The following PPARGC1A variants were observed in gnomAD, a reference collection of about 807,000 sequenced individuals.
The protein encoded by PPARGC1A is peroxisome proliferator-activated receptor gamma coactivator 1-alpha.
PPARGC1A carries 25 observed loss-of-function variants against 88.7 expected under a neutral mutation model. That is an observed-to-expected ratio of 0.28 (90% CI 0.21 to 0.39). The LOEUF (loss-of-function observed/expected upper bound fraction) is 0.39. Among genes scored for constraint, PPARGC1A ranks in the 10% least tolerant of loss-of-function variants. The pLI, the probability that PPARGC1A is intolerant of heterozygous loss-of-function variation, is 1.00. For synonymous variants in PPARGC1A, 363 were observed against 355.6 expected, an observed-to-expected ratio of 1.02 and a Z score of -0.24; for missense variants, 880 against 968.7, an observed-to-expected ratio of 0.91 and a Z score of 1.22.
At chr4:23,805,875 A>G (rs1329263273) in intron 10 of PPARGC1A, among the ~76,000 whole-genome samples, 1 of 152,196 alleles carries the variant, frequency 6.6e-6, no homozygotes, top group Non-Finnish European at 1.5e-5. Flanking sequence ...CTATGTATTC[A>G]AGGAAATTTG....
chr4:23,907,454 T>G (rs1442657564), upstream of PPARGC1A, among the ~76,000 whole-genome samples: 4 of 152,232 alleles, frequency 2.6e-5, no homozygotes, highest in African/African-American at 4.8e-5. Flanking sequence ...CTCAGTCACA[T>G]GCAGAATACG....
chr4:24,275,776 T>G, the PPARGC1A span, among the ~76,000 whole-genome samples: 1 of 152,194 alleles, frequency 6.6e-6, no homozygotes, highest in Admixed American at 6.5e-5. Flanking sequence ...ATTCCCATCC[T>G]GGATGGAAGA....
chr4:24,345,609 C>G, the PPARGC1A span, among the ~76,000 whole-genome samples: 1 of 152,092 alleles, frequency 6.6e-6, no homozygotes, highest in Non-Finnish European at 1.5e-5. Flanking sequence ...AGAAGAGCTA[C>G]TGATTTGTGC....
intron 2 of PPARGC1A, chr4:23,883,430 TA>T (rs1716326171): frequency 1.3e-5 from 2 of 152,236 alleles, no homozygotes; most frequent in Non-Finnish European, 2.9e-5. Flanking sequence ...TATGTCTTTG[TA>T]AAGGATGGCT....
chr4:24,032,959 CTTTATT>C, the PPARGC1A span, among the ~76,000 whole-genome samples: 1 of 152,274 alleles, frequency 6.6e-6, no homozygotes, highest in East Asian at 1.9e-4. Flanking sequence ...CAAGATATAT[CTTTATT>C]TTAAGGAGAA....
At chr4:24,224,996 A>G in the PPARGC1A span, among the ~76,000 whole-genome samples, 3 of 152,178 alleles carry the variant, frequency 2.0e-5, no homozygotes, top group Non-Finnish European at 2.9e-5. Flanking sequence ...AAAGATCAGC[A>G]AGGAGCCCAG....
At chr4:24,196,608 G>A in the PPARGC1A span, among the ~76,000 whole-genome samples, 4 of 152,228 alleles carry the variant, frequency 2.6e-5, no homozygotes, top group African/African-American at 9.6e-5. Flanking sequence ...AACAGTGACA[G>A]GCAGGTGCTA....
At chr4:24,222,145 T>C in the PPARGC1A span, among the ~76,000 whole-genome samples, 1 of 152,168 alleles carries the variant, frequency 6.6e-6, no homozygotes, top group Admixed American at 6.5e-5. Context: ...GGCTAAAAAA[T>C]GTGCTTTCAG....
At chr4:24,105,815 C>T in the PPARGC1A span, among the ~76,000 whole-genome samples, 4 of 152,232 alleles carry the variant, frequency 2.6e-5, no homozygotes, top group East Asian at 7.7e-4. Context: ...AATACAGAGA[C>T]ATGGTGTCCA....
chr4:23,844,197 T>C (rs1473572875), intron 2 of PPARGC1A, among the ~76,000 whole-genome samples: 5 of 149,438 alleles, frequency 3.3e-5, no homozygotes, highest in African/African-American at 1.2e-4. Flanking sequence ...TAAACACACA[T>C]ACAAAAAAAT....
At chr4:23,811,992 AT>A (rs1365289641) in intron 10 of PPARGC1A, among the ~76,000 whole-genome samples, 1 of 128,888 alleles carries the variant, frequency 7.8e-6, no homozygotes, top group Admixed American at 9.3e-5. Context: ...ATCTCAGCTC[AT>A]TGCAACCTCC....
At chr4:24,188,617 A>G in the PPARGC1A span, among the ~76,000 whole-genome samples, 1 of 152,160 alleles carries the variant, frequency 6.6e-6, no homozygotes. Flanking sequence ...ACCCATAAGG[A>G]TGGTTACTAT....
At chr4:23,820,742 C>G (rs1722867964) in intron 7 of PPARGC1A, 1 of 240,594 alleles carries the variant, frequency 4.2e-6, no homozygotes, top group Non-Finnish European at 8.9e-6. Flanking sequence ...AACTTCCTAT[C>G]TCATCCCTCC....
intron 2 of PPARGC1A, among the ~76,000 whole-genome samples, chr4:23,857,370 TGTG>T (rs202114974): frequency 0.062 from 7,053 of 114,032 alleles, 295 homozygotes; most frequent in African/African-American, 0.14. Flanking sequence ...CGTGTGTGTG[TGTG>T]ACACACACAC....
chr4:23,877,360 CAAAAAAAAAA>C (rs551447166), intron 2 of PPARGC1A, among the ~76,000 whole-genome samples: 2,493 of 62,864 alleles, frequency 0.04, 29 homozygotes, highest in Middle Eastern at 0.14. Flanking sequence ...ACTAAAAATA[CAAAAAAAAAA>C]AAAAAAAAAA....
chr4:24,387,880 A>G, the PPARGC1A span, among the ~76,000 whole-genome samples: 5 of 119,944 alleles, frequency 4.2e-5, no homozygotes, highest in African/African-American at 1.5e-4. Flanking sequence ...AAGAAAGAGA[A>G]AGAAAGAAAG....
rs1217897148 is a variant in PPARGC1A at position 23,792,765 on chromosome 4, T to C, written c.*3057A>G. On this transcript the variant is annotated 3_prime_UTR_variant, in exon 13 of 13. Coordinates refer to ENST00000264867, the MANE Select transcript of PPARGC1A (RefSeq NM_013261.5). ...TCCAGTGATGATGGGGTGCACGTGT[T>C]CATTTGAAATATTCTCTCCCAAAAA... 3 of 152,480 alleles carry C rather than the reference T, an allele frequency of 2.0e-5. No individual in the cohort carries two copies. In the Admixed American group the frequency reaches 2.0e-4, roughly 10 times the overall value. The allele number at this position is 152,480 out of a possible 1,614,324, so 9.4% of individuals were successfully genotyped here.
intron 12 of PPARGC1A, among the ~76,000 whole-genome samples, chr4:23,796,896 C>G (rs1229480207): frequency 6.6e-6 from 1 of 151,906 alleles, no homozygotes; most frequent in Non-Finnish European, 1.5e-5. Flanking sequence ...GAGTAAATTA[C>G]AAAATCGAAA....
chr4:23,843,818 TACACAG>T (rs1184536705), intron 2 of PPARGC1A, among the ~76,000 whole-genome samples: 1 of 152,086 alleles, frequency 6.6e-6, no homozygotes, highest in Non-Finnish European at 1.5e-5. Flanking sequence ...TGCCAGTTAT[TACACAG>T]AATGATCACC....
Sources: gnomAD v4.1 joint callset for allele counts (sites outside exome capture counted in the v4.1 genomes callset) on GRCh38, gnomAD v4.1.1 for gene constraint, MANE v1.5 for transcripts, NCBI Gene and HGNC (gene_info 2026-07-23, HGNC 2026-07-21) for gene names.